Variants in DNAJC25 observed in about 807,000 individuals in gnomAD.
DNAJC25 encodes the protein dnaJ homolog subfamily C member 25.
In DNAJC25, 26 loss-of-function variants were observed where a neutral mutation model predicts 42.1. The observed-to-expected ratio is 0.62, with a 90% CI of 0.45 to 0.86. The LOEUF is 0.86. Among genes scored for constraint, DNAJC25 ranks in the 40% least tolerant of loss-of-function variants. The pLI is 0.00. For synonymous variants in DNAJC25, 189 were observed against 179.9 expected (o/e 1.05, Z -0.40); for missense variants, 404 against 459.4 (o/e 0.88, Z 1.10).
In DNAJC25 at chr9:111,648,170, T is replaced by A. The variant is rs563177570; in HGVS notation, c.489+911T>A. On this transcript the variant is annotated intron_variant, in intron 2 of 3. Transcript: ENST00000313525. ...TAAACTAGCCATTCCTATCACATGC[T>A]CCTTTAAAGGAAATGAACAAGTCAA... 5.1e-4 allele frequency among the ~76,000 whole-genome samples: 78 copies of A among 152,312 alleles called. 1 individual carries two copies. The highest frequency in any genetic ancestry group is 1.0e-3 in the Non-Finnish European group (71 of 68,014).
At chr9:111,632,292 AC>A (rs1830295377) in intron 1 of DNAJC25, among the ~76,000 whole-genome samples, 1 of 148,358 alleles carries the variant, frequency 6.7e-6, no homozygotes, top group Non-Finnish European at 1.5e-5. Flanking sequence ...TTGGATAGTG[AC>A]TTATTATGTT....
intron 1 of DNAJC25, chr9:111,642,964 A>G (rs1278831277): frequency 4.2e-6 from 2 of 470,846 alleles, no homozygotes; most frequent in African/African-American, 4.0e-5. Context: ...CCTGCTTGTC[A>G]AGGCTCAGGA....
Position 111,649,677 on chromosome 9 carries a change from A to G in DNAJC25, c.714A>G (p.Lys238=), listed in dbSNP as rs1185334696. The part of the protein sequence containing the change: ...SKIDIKGGYQ[K]PQICDLLLFQ... ...TAGATATAAAGGGGGGCTATCAGAA[A>G]CCCCAAATCTGTGATCTTCTCCTGT... The change falls in exon 3 of 4, where the codon AAA becomes AAG. Residue 238 remains lysine (K), a synonymous_variant. Transcript: ENST00000313525. The G allele has an allele frequency of 1.9e-6, 3 of 1,613,862 alleles. No homozygotes were observed. Among genetic ancestry groups the G allele is most frequent in the Non-Finnish European group, 2.5e-6 (3 of 1,179,988 alleles).
At chr9:111,634,600 A>G (rs1263241977) in intron 1 of DNAJC25, among the ~76,000 whole-genome samples, 1 of 152,224 alleles carries the variant, frequency 6.6e-6, no homozygotes, top group Non-Finnish European at 1.5e-5. Context: ...CGGGATGCAG[A>G]AGCCTGTATC....
intron 1 of DNAJC25, among the ~76,000 whole-genome samples, chr9:111,633,683 G>A (rs965072453): frequency 2.0e-5 from 3 of 152,102 alleles, no homozygotes; most frequent in Non-Finnish European, 1.5e-5. Flanking sequence ...TAAGAACTTT[G>A]AAAACAAGTG....
rs970169262 is a variant in DNAJC25 at position 111,631,345 on chromosome 9, G to T, written c.-63G>T. 5.6e-6 allele frequency: 7 copies of T among 1,253,560 alleles called. No individual in the cohort carries two copies. The highest frequency in any genetic ancestry group is 3.5e-5 in the South Asian group (1 of 28,966). The allele number at this position is 1,253,560 out of a possible 1,614,324, so 77.7% of individuals were successfully genotyped here. On this transcript the variant is annotated 5_prime_UTR_variant, in exon 1 of 4. Coordinates refer to ENST00000313525, the MANE Select transcript of DNAJC25 (RefSeq NM_001015882.3). ...GTGTAGCTGGGGCCAGACGGGACTA[G>T]CCGGGCGCGCGGCTGAGTGCTGCAG...
At chr9:111,649,416 A>G in intron 2 of DNAJC25, 37 bp from the exon 3 acceptor site, 1 of 1,503,022 alleles carries the variant, frequency 6.7e-7, no homozygotes, top group East Asian at 2.3e-5. Context: ...AATTTGGGTA[A>G]TGAAAATGAC....
chr9:111,642,613 AT>A (rs869142965), intron 1 of DNAJC25, among the ~76,000 whole-genome samples: 965 of 86,908 alleles, frequency 0.011, 6 homozygotes, highest in African/African-American at 0.047. Context: ...CAATAAATAA[AT>A]AAATAAATAA....
chr9:111,646,071 C>T (rs1830564508), intron 1 of DNAJC25, among the ~76,000 whole-genome samples: 1 of 152,170 alleles, frequency 6.6e-6, no homozygotes, highest in African/African-American at 2.4e-5. Context: ...CCACACCTGG[C>T]AAAACAGACT....
intron 1 of DNAJC25, 32 bp downstream of exon 1, chr9:111,631,775 G>A: frequency 6.7e-7 from 1 of 1,485,406 alleles, no homozygotes; most frequent in African/African-American, 1.5e-5. Context: ...GGGCTTCGAA[G>A]ACTGGCCGCG....
intron 1 of DNAJC25, among the ~76,000 whole-genome samples, chr9:111,637,501 C>T (rs1385205579): frequency 1.3e-5 from 2 of 152,178 alleles, no homozygotes; most frequent in Non-Finnish European, 2.9e-5. Context: ...TTCTGTCATT[C>T]CTCTTTGGCA....
chr9:111,640,320 G>A (rs1830433180), intron 1 of DNAJC25, among the ~76,000 whole-genome samples: 2 of 146,260 alleles, frequency 1.4e-5, no homozygotes, highest in African/African-American at 5.0e-5. Context: ...CCAAAGTGCC[G>A]AGATTGCAGC....
intron 3 of DNAJC25, among the ~76,000 whole-genome samples, chr9:111,651,263 C>CAAA (rs10555875): frequency 2.9e-5 from 3 of 104,972 alleles, no homozygotes; most frequent in Admixed American, 1.0e-4. Context: ...GACTCTATCT[C>CAAA]AAAAAAAAAA....
At chr9:111,652,227 A>G (rs1830671449) in intron 3 of DNAJC25, among the ~76,000 whole-genome samples, 1 of 152,058 alleles carries the variant, frequency 6.6e-6, no homozygotes, top group Admixed American at 6.6e-5. Flanking sequence ...TACTAGTTCT[A>G]GGCAGGGTGC....
intron 2 of DNAJC25, 105 bp downstream of exon 2, chr9:111,647,364 A>T: frequency 7.1e-7 from 1 of 1,416,944 alleles, no homozygotes; most frequent in Non-Finnish European, 9.5e-7. Flanking sequence ...GTAAAATTTT[A>T]CTTCTAGTTG....
chr9:111,643,008 G>A (rs1830506977), intron 1 of DNAJC25: 4 of 447,300 alleles, frequency 8.9e-6, no homozygotes, highest in Non-Finnish European at 1.9e-5. Flanking sequence ...TAAAGGTTTT[G>A]GTTTTGGAAA....
intron 2 of DNAJC25, 126 bp downstream of exon 2, chr9:111,647,385 T>C: frequency 8.2e-7 from 1 of 1,225,868 alleles, no homozygotes; most frequent in Non-Finnish European, 1.1e-6. Context: ...AGATCTGTTT[T>C]AGTCATTGGC....
chr9:111,631,719 G>T lies in DNAJC25; in HGVS notation c.312G>T (p.Val104=). ...GCGCCGAGGAGGCTTTCCTGCTGGTGGCAACCGCCTACGAGACACTCAAGG... is the reference window on the plus strand; with the variant it reads ...GCGCCGAGGAGGCTTTCCTGCTGGTTGCAACCGCCTACGAGACACTCAAGG... ...PQSAEEAFLL[V]ATAYETLKDE... Residue 104 remains valine (V), a synonymous_variant, in exon 1 of 4, where the codon GTG becomes GTT. Coordinates refer to ENST00000313525, the MANE Select transcript of DNAJC25 (RefSeq NM_001015882.3). The T allele has an allele frequency of 6.6e-7, 1 of 1,521,642 alleles. No individual in the cohort carries two copies. Among genetic ancestry groups the T allele is most frequent in the South Asian group, 1.2e-5 (1 of 83,728 alleles). 94.3% of individuals were successfully genotyped at this position (1,521,642 alleles called of 1,614,324 possible).
intron 1 of DNAJC25, among the ~76,000 whole-genome samples, chr9:111,632,980 T>G (rs1196767017): frequency 6.6e-6 from 1 of 152,054 alleles, no homozygotes; most frequent in East Asian, 1.9e-4. Context: ...CTAGCGTTAG[T>G]GAGATTGTAA....
Sources: gnomAD v4.1 joint callset for allele counts (sites outside exome capture counted in the v4.1 genomes callset) on GRCh38, gnomAD v4.1.1 for gene constraint, MANE v1.5 for transcripts, NCBI Gene and HGNC (gene_info 2026-07-23, HGNC 2026-07-21) for gene names.